COL24A1: variants seen among roughly 807,000 people sequenced by gnomAD.
COL24A1 encodes the protein collagen type XXIV alpha 1 chain.
A neutral mutation model predicts 253.9 loss-of-function variants in COL24A1; 224 were observed. That is an observed-to-expected ratio of 0.88 (90% CI 0.79 to 0.99). COL24A1 has a LOEUF of 0.99. Among genes scored for constraint, COL24A1 ranks in the 50% least tolerant of loss-of-function variants. The pLI is 0.00. For synonymous variants in COL24A1, 685 were observed against 673.7 expected (o/e 1.02, Z -0.26); for missense variants, 2,131 against 2,068.5 (o/e 1.03, Z -0.59).
chr1:86,020,925 T>C (rs911900315), intron 18 of COL24A1, among the ~76,000 whole-genome samples: 9 of 152,280 alleles, frequency 5.9e-5, no homozygotes, highest in African/African-American at 2.2e-4. Context: ...GTTAAGCCCT[T>C]ATGGCAATAA....
intron 52 of COL24A1, among the ~76,000 whole-genome samples, chr1:85,779,580 T>C (rs183580340): frequency 2.0e-5 from 3 of 152,252 alleles, no homozygotes; most frequent in Non-Finnish European, 2.9e-5. Context: ...GGCTTTCCTA[T>C]AATGTGATAC....
intron 35 of COL24A1, among the ~76,000 whole-genome samples, chr1:85,872,221 C>T (rs1451177322): frequency 2.0e-5 from 3 of 152,132 alleles, no homozygotes; most frequent in African/African-American, 7.2e-5. Context: ...AAGAACATTC[C>T]ATGCTCATGG....
At chr1:85,763,547 A>G (rs1389377858) in intron 53 of COL24A1, among the ~76,000 whole-genome samples, 27 of 135,210 alleles carry the variant, frequency 2.0e-4, no homozygotes, top group Admixed American at 1.3e-3. Context: ...GCTGGAGTGC[A>G]GTGGTGCGAT....
At chr1:85,820,272 T>C (rs191147074) in intron 45 of COL24A1, among the ~76,000 whole-genome samples, 4 of 152,212 alleles carry the variant, frequency 2.6e-5, no homozygotes, top group African/African-American at 9.6e-5. Context: ...ATAAAGTACA[T>C]AGAGTAAAAA....
At chr1:86,077,233 T>C (rs906448797) in intron 7 of COL24A1, among the ~76,000 whole-genome samples, 1 of 151,974 alleles carries the variant, frequency 6.6e-6, no homozygotes, top group Non-Finnish European at 1.5e-5. Flanking sequence ...CCAACACACA[T>C]ATGAAAAAAA....
At chr1:85,952,984 G>T (rs187777139) in intron 24 of COL24A1, among the ~76,000 whole-genome samples, 1 of 151,958 alleles carries the variant, frequency 6.6e-6, no homozygotes, top group African/African-American at 2.4e-5. Flanking sequence ...GAGTGGTATT[G>T]TCAACAGGTG....
chr1:85,890,702 T>C (rs932174539), intron 31 of COL24A1, among the ~76,000 whole-genome samples: 3 of 152,196 alleles, frequency 2.0e-5, no homozygotes, highest in African/African-American at 7.2e-5. Context: ...AATCTGAATT[T>C]CTTTATAGTT....
intron 24 of COL24A1, among the ~76,000 whole-genome samples, chr1:85,940,718 A>AC (rs1450917328): frequency 1.3e-5 from 2 of 152,188 alleles, no homozygotes; most frequent in Non-Finnish European, 2.9e-5. Flanking sequence ...CGTTTCCCTA[A>AC]CAACTATTTG....
chr1:86,013,973 C>G lies in COL24A1; in HGVS notation c.2310+3178G>C, dbSNP rs192438125. On this transcript the variant is annotated intron_variant, in intron 19 of 59. Transcript: ENST00000370571. ...ACTCCTGCAGCTCCTTTCTCCTGCA[C>G]AGTCCCCTTACTCTTGAGATTTAGT... Among the ~76,000 whole-genome samples the G allele has an allele frequency of 1.5e-4, 23 of 152,352 alleles. No individual in the cohort carries two copies. In the East Asian group the frequency reaches 2.3e-3, roughly 15 times the overall value.
intron 32 of COL24A1, among the ~76,000 whole-genome samples, chr1:85,879,652 T>C (rs980603659): frequency 6.6e-6 from 1 of 152,178 alleles, no homozygotes; most frequent in Non-Finnish European, 1.5e-5. Flanking sequence ...ATATTTTATA[T>C]GTTATATGTA....
intron 19 of COL24A1, among the ~76,000 whole-genome samples, chr1:86,009,930 G>T (rs538256): frequency 0.18 from 27,653 of 151,948 alleles, 3,204 homozygotes; most frequent in African/African-American, 0.32. Context: ...TATGATATAG[G>T]TAGCATAGTT....
chr1:85,848,901 T>C (rs1677440833), intron 38 of COL24A1, among the ~76,000 whole-genome samples: 6 of 152,118 alleles, frequency 3.9e-5, no homozygotes. Context: ...AGTAAGCAAA[T>C]AAAAATATTC....
chr1:86,047,948 A>G (rs1700025356), intron 11 of COL24A1, among the ~76,000 whole-genome samples: 2 of 152,126 alleles, frequency 1.3e-5, no homozygotes, highest in South Asian at 2.1e-4. Flanking sequence ...GAAACAATCC[A>G]TTCACTTTCA....
intron 7 of COL24A1, among the ~76,000 whole-genome samples, chr1:86,087,990 T>C (rs1445092539): frequency 2.4e-4 from 36 of 152,196 alleles, no homozygotes; most frequent in Non-Finnish European, 5.9e-5. Flanking sequence ...TTCAGCACTA[T>C]AGCAGGGGTT....
chr1:85,985,904 T>G (rs1409657709), intron 20 of COL24A1, among the ~76,000 whole-genome samples: 10 of 151,790 alleles, frequency 6.6e-5, no homozygotes, highest in Non-Finnish European at 1.5e-5. Context: ...GGATGCTCAA[T>G]TAAATGTGAA....
chr1:86,092,018 G>A (rs987090194), intron 6 of COL24A1, among the ~76,000 whole-genome samples: 18 of 151,968 alleles, frequency 1.2e-4, no homozygotes, highest in African/African-American at 4.3e-4. Flanking sequence ...CCCCTCATTG[G>A]CAGATAGTAC....
chr1:85,860,811 A>G (rs989918990), intron 37 of COL24A1, among the ~76,000 whole-genome samples: 8 of 152,098 alleles, frequency 5.3e-5, no homozygotes, highest in Non-Finnish European at 7.4e-5. Context: ...TTCATTTAGC[A>G]TAATGTTTTC....
intron 10 of COL24A1, 131 bp from the exon 11 acceptor site, chr1:86,050,308 C>T (rs1450088940): frequency 1.9e-6 from 1 of 514,958 alleles, no homozygotes; most frequent in African/African-American, 2.0e-5. Flanking sequence ...CGAATAACTT[C>T]CCCTCACCTA....
chr1:85,837,725 A>G (rs895543855), intron 43 of COL24A1, among the ~76,000 whole-genome samples: 17 of 152,320 alleles, frequency 1.1e-4, no homozygotes, highest in Admixed American at 7.8e-4. Flanking sequence ...AGAGAGCAAG[A>G]TTACCGTTAG....
Sources: allele counts gnomAD v4.1 joint callset (sites outside exome capture counted in the v4.1 genomes callset), GRCh38; gene constraint gnomAD v4.1.1; transcripts MANE v1.5; gene names NCBI Gene and HGNC (gene_info 2026-07-23, HGNC 2026-07-21).